ANKRD40CL: variants seen among roughly 807,000 people sequenced by gnomAD.
ANKRD40CL encodes putative ANKRD40 C-terminal-like protein.
For missense variants in ANKRD40CL, 11 were observed against 6.4 expected (o/e 1.71, Z -0.77); for synonymous variants, 5 against 2.3 (o/e 2.14, Z -1.04).
intron 2 of ANKRD40CL, chr17:50,764,432 T>A: frequency 2.5e-6 from 1 of 392,712 alleles, no homozygotes; most frequent in Admixed American, 4.4e-5. Flanking sequence ...TTTTCTTTAA[T>A]CACCACCCAA....
At chr17:50,761,784 C>T (rs758889839) in intron 3 of ANKRD40CL, among the ~76,000 whole-genome samples, 6 of 151,994 alleles carry the variant, frequency 3.9e-5, no homozygotes, top group South Asian at 2.1e-4. Flanking sequence ...CCATCATGCC[C>T]GGCTAATTTT....
intron 3 of ANKRD40CL, 200 bp downstream of exon 3, chr17:50,763,197 C>A (rs1971234161): frequency 5.2e-6 from 2 of 385,282 alleles, no homozygotes; most frequent in Non-Finnish European, 9.2e-6. Flanking sequence ...GTGATCGGAC[C>A]ATTTAGAGGT....
rs1167710107 is a variant in ANKRD40CL, at chr17:50,766,994, C to T, written c.-81G>A. ...CCAACCAAATAAAAAGCACTTTCTACAGCCTCAGCACATCTGTCTGCAAGG... is the reference window on the plus strand; with the variant it reads ...CCAACCAAATAAAAAGCACTTTCTATAGCCTCAGCACATCTGTCTGCAAGG... On this transcript the variant is annotated 5_prime_UTR_variant, in exon 2 of 4. Coordinates refer to ENST00000450727, the MANE Select transcript of ANKRD40CL (RefSeq NM_001358683.3). The T allele has an allele frequency of 2.8e-6, 2 of 702,250 alleles. No homozygotes were observed. Among genetic ancestry groups the T allele is most frequent in the Non-Finnish European group, 5.2e-6 (2 of 384,978 alleles). The allele number at this position is 702,250 out of a possible 1,614,324, so 43.5% of individuals were successfully genotyped here.
chr17:50,761,343 G>C lies in ANKRD40CL; in HGVS notation c.*20C>G, dbSNP rs900407770. 2.5e-6 allele frequency: 1 copy of C among 395,466 alleles called. No homozygotes were observed. Among genetic ancestry groups the C allele is most frequent in the South Asian group, 1.3e-4 (1 of 7,780 alleles). 24.5% of individuals were successfully genotyped at this position (395,466 alleles called of 1,614,324 possible). ...GATTACAGGGGGTGAGCCACCATGC[G>C]CGGCCATTCCTGGGAGTATTTAATA... On this transcript the variant is annotated 3_prime_UTR_variant, in exon 4 of 4. Transcript: ENST00000450727.
chr17:50,763,489 G>T lies in ANKRD40CL; in HGVS notation c.109C>A (p.Gln37Lys). 1 of 399,014 alleles carries T rather than the reference G, an allele frequency of 2.5e-6. No homozygotes were observed. The highest frequency in any genetic ancestry group is 4.4e-6 in the Non-Finnish European group (1 of 226,064). 24.7% of individuals were successfully genotyped at this position (399,014 alleles called of 1,614,324 possible). ...CAGCAACTCACGTTTAGTAGGTTTT[G>T]GTAACTCAGTTCTTGTCTCTTCAGT... ...IELKRQELSY[Q>K]NLLNVSCCEL... Residue 37 changes from glutamine to lysine, a missense_variant, in exon 3 of 4, where the codon CAA becomes AAA. Physicochemically the swap from Gln to Lys is moderately conservative, Grantham distance 53. Coordinates refer to ENST00000450727, the MANE Select transcript of ANKRD40CL (RefSeq NM_001358683.3).
chr17:50,766,689 A>G (rs1971323488), intron 2 of ANKRD40CL, 185 bp downstream of exon 2: 3 of 529,528 alleles, frequency 5.7e-6, no homozygotes, highest in Non-Finnish European at 1.0e-5. Context: ...TATTATAGCT[A>G]TAGACACTTG....
In ANKRD40CL at chr17:50,766,861, C is replaced by G. The variant is rs940744549; in HGVS notation, c.40+13G>C. On this transcript the variant is annotated intron_variant, in intron 2 of 3. Transcript: ENST00000450727. ...CTTGAGGACCATGTTGGGAACAGGA[C>G]TCCCAGACTCACCTGCTGGCTTCTC... 1.5e-5 allele frequency: 10 copies of G among 647,486 alleles called. No homozygotes were observed. The highest frequency in any genetic ancestry group is 3.3e-4 in the Middle Eastern group (1 of 3,074). 40.1% of individuals were successfully genotyped at this position (647,486 alleles called of 1,614,324 possible).
chr17:50,766,987 C>CTT lies in ANKRD40CL; in HGVS notation c.-76_-75dup. Reference sequence around the variant, plus strand: ...CAAGCTCCCAACCAAATAAAAAGCACTTTCTACAGCCTCAGCACATCTGTC... The same window carrying CTT: ...CAAGCTCCCAACCAAATAAAAAGCACTTTTTCTACAGCCTCAGCACATCTGTC... On this transcript the variant is annotated 5_prime_UTR_variant, in exon 2 of 4. An upstream open reading frame in the 5' UTR gains an earlier in-frame stop. Coordinates refer to ENST00000450727, the MANE Select transcript of ANKRD40CL (RefSeq NM_001358683.3). The CTT allele has an allele frequency of 1.4e-6, 1 of 702,398 alleles. No individual in the cohort carries two copies. Among genetic ancestry groups the CTT allele is most frequent in the East Asian group, 2.7e-5 (1 of 37,296 alleles). The allele number at this position is 702,398 out of a possible 1,614,324, so 43.5% of individuals were successfully genotyped here.
In ANKRD40CL at chr17:50,761,080, G is replaced by A. The variant is rs528101713; in HGVS notation, c.*283C>T. 205 of 137,010 alleles carry A rather than the reference G, an allele frequency of 1.5e-3. No individual in the cohort carries two copies. The highest frequency in any genetic ancestry group is 5.3e-3 in the Admixed American group (57 of 10,784). The allele number at this position is 137,010 out of a possible 1,614,324, so 8.5% of individuals were successfully genotyped here. On this transcript the variant is annotated 3_prime_UTR_variant, in exon 4 of 4. Coordinates refer to ENST00000450727, the MANE Select transcript of ANKRD40CL (RefSeq NM_001358683.3). The stretch of plus-strand genomic sequence containing the variant: ...TTGAGAGACAGAGTCTTGCTCTGTC[G>A]CCAGGCTGGAGTGCAGTGGCGCAAT...
chr17:50,762,132 G>C (rs2143140542), intron 3 of ANKRD40CL, among the ~76,000 whole-genome samples: 1 of 152,108 alleles, frequency 6.6e-6, no homozygotes, highest in Non-Finnish European at 1.5e-5. Flanking sequence ...TGTTGCCCAG[G>C]CTGGTCTCAA....
At chr17:50,766,759 G>T in intron 2 of ANKRD40CL, 115 bp downstream of exon 2, 1 of 587,306 alleles carries the variant, frequency 1.7e-6, no homozygotes, top group Non-Finnish European at 3.0e-6. Flanking sequence ...CACTGGCAGA[G>T]TGGCGGAGGC....
chr17:50,764,952 C>T (rs1971271120), intron 2 of ANKRD40CL: 1 of 152,214 alleles, frequency 6.6e-6, no homozygotes, highest in Admixed American at 6.5e-5. Context: ...GAGCTGACAT[C>T]TGAAGGATGA....
intron 2 of ANKRD40CL, 29 bp from the exon 3 acceptor site, chr17:50,763,586 A>G (rs187044342): frequency 2.5e-6 from 1 of 399,018 alleles, no homozygotes; most frequent in African/African-American, 2.1e-5. Flanking sequence ...AATCACCCAT[A>G]AATTCAAATA....
chr17:50,767,294 C>T lies in ANKRD40CL; in HGVS notation c.-99+169G>A, dbSNP rs1971344746. 7.1e-6 allele frequency: 3 copies of T among 420,988 alleles called. No homozygotes were observed. The East Asian group carries it at 1.7e-4, about 23-fold the overall frequency. The allele number at this position is 420,988 out of a possible 1,614,324, so 26.1% of individuals were successfully genotyped here. On this transcript the variant is annotated intron_variant, in intron 1 of 3. Coordinates refer to ENST00000450727, the MANE Select transcript of ANKRD40CL (RefSeq NM_001358683.3). ...AGCCAGACCCGAGAAGGGGGCCAGG[C>T]CCTCTTTCTTGGAAAAGGTTGGTAG...
chr17:50,766,763 C>CTCCAGACTCTCTTCTCA lies in ANKRD40CL; in HGVS notation c.40+110_40+111insTGAGAAGAGAGTCTGGA, dbSNP rs1971325301. Reference sequence around the variant, plus strand: ...CTTCACTACCCCACTGGCAGAGTGGCGGAGGCCACAGGGCACTGCTGGCCA... The same window carrying CTCCAGACTCTCTTCTCA: ...CTTCACTACCCCACTGGCAGAGTGGCTCCAGACTCTCTTCTCAGGAGGCCACAGGGCACTGCTGGCCA... On this transcript the variant is annotated intron_variant, in intron 2 of 3. Transcript: ENST00000450727. The CTCCAGACTCTCTTCTCA allele has an allele frequency of 1.6e-5, 9 of 580,478 alleles. No individual in the cohort carries two copies. The African/African-American group carries it at 2.0e-4, about 13-fold the overall frequency. 36.0% of individuals were successfully genotyped at this position (580,478 alleles called of 1,614,324 possible).
At chr17:50,762,766 A>G (rs1273409944) in intron 3 of ANKRD40CL, 1 of 113,326 alleles carries the variant, frequency 8.8e-6, no homozygotes, top group East Asian at 2.7e-4. Context: ...TTGCTAAGCA[A>G]ACAAGGATGG....
rs576380440 is a variant in ANKRD40CL, at chr17:50,767,464, T to C, written c.-100A>G. The C allele has an allele frequency of 2.1e-4, 55 of 261,682 alleles. No homozygotes were observed. The highest frequency in any genetic ancestry group is 1.2e-3 in the African/African-American group (55 of 44,668). 16.2% of individuals were successfully genotyped at this position (261,682 alleles called of 1,614,324 possible). ...AGAAGCAGAAAGACCCCTCCATACC[T>C]GGGAAAATGACCTTGGTGATGATCC... is the stretch of plus-strand genomic sequence containing the variant. On this transcript the variant is annotated splice_region_variant and 5_prime_UTR_variant, in exon 1 of 4. Coordinates refer to ENST00000450727, the MANE Select transcript of ANKRD40CL (RefSeq NM_001358683.3).
chr17:50,766,249 G>A (rs1206618405), intron 2 of ANKRD40CL, among the ~76,000 whole-genome samples: 5 of 152,266 alleles, frequency 3.3e-5, no homozygotes, highest in African/African-American at 1.2e-4. Context: ...CCCTGTAGCA[G>A]CTGGGCCCCA....
At chr17:50,765,545 G>A (rs762164407) in intron 2 of ANKRD40CL, among the ~76,000 whole-genome samples, 1 of 152,196 alleles carries the variant, frequency 6.6e-6, no homozygotes, top group Non-Finnish European at 1.5e-5. Flanking sequence ...TTGGTAAATG[G>A]CCAGATATGG....
Sources: allele counts gnomAD v4.1 joint callset (sites outside exome capture counted in the v4.1 genomes callset), GRCh38; gene constraint gnomAD v4.1.1; transcripts MANE v1.5; gene names NCBI Gene and HGNC (gene_info 2026-07-23, HGNC 2026-07-21).